FNDC3B: variants seen among roughly 807,000 people sequenced by gnomAD.
FNDC3B encodes fibronectin type III domain-containing protein 3B.
Under a neutral mutation model 151.5 loss-of-function variants are expected in FNDC3B, and 12 were observed. That is an observed-to-expected ratio of 0.08 (90% CI 0.05 to 0.13). The LOEUF (loss-of-function observed/expected upper bound fraction) is 0.13. Ranked by LOEUF, FNDC3B falls within the 10% of genes least tolerant of loss-of-function variation. The pLI, the probability that FNDC3B is intolerant of heterozygous loss-of-function variation, is 1.00. For missense variants in FNDC3B, 1,214 were observed against 1,505.3 expected, an observed-to-expected ratio of 0.81 and a Z score of 3.20; for synonymous variants, 528 against 549.0, an observed-to-expected ratio of 0.96 and a Z score of 0.54.
At chr3:172,332,061 C>A (rs746479601) in intron 13 of FNDC3B, among the ~76,000 whole-genome samples, 1 of 152,280 alleles carries the variant, frequency 6.6e-6, no homozygotes, top group South Asian at 2.1e-4. Flanking sequence ...ACCTCTGCCT[C>A]CCAGGTTCAA....
At chr3:172,181,331 G>A (rs1723878150) in intron 3 of FNDC3B, among the ~76,000 whole-genome samples, 1 of 142,082 alleles carries the variant, frequency 7.0e-6, no homozygotes, top group East Asian at 2.1e-4. Flanking sequence ...GAAGTCAAGG[G>A]TGCAGTGAGC....
At chr3:172,342,067 G>A (rs1268457735) in intron 17 of FNDC3B, among the ~76,000 whole-genome samples, 1 of 152,224 alleles carries the variant, frequency 6.6e-6, no homozygotes, top group Non-Finnish European at 1.5e-5. Flanking sequence ...TTACAGCCCT[G>A]TGCTGGGTTG....
At chr3:172,041,931 C>T (rs1294615843) in intron 1 of FNDC3B, among the ~76,000 whole-genome samples, 2 of 151,944 alleles carry the variant, frequency 1.3e-5, no homozygotes, top group Non-Finnish European at 2.9e-5. Flanking sequence ...CATGAAGGTA[C>T]AATTCTCACT....
intron 2 of FNDC3B, among the ~76,000 whole-genome samples, chr3:172,120,879 G>A (rs1720508537): frequency 1.3e-5 from 2 of 151,930 alleles, no homozygotes; most frequent in East Asian, 1.9e-4. Context: ...CAGGAGAATC[G>A]CTTGAACCCA....
At chr3:172,174,360 T>C (rs998566173) in intron 3 of FNDC3B, among the ~76,000 whole-genome samples, 2 of 152,226 alleles carry the variant, frequency 1.3e-5, no homozygotes, top group Non-Finnish European at 2.9e-5. Context: ...GTCTTGTGAA[T>C]TGAAGCCTGT....
At chr3:172,129,848 C>T (rs116445522) in intron 2 of FNDC3B, among the ~76,000 whole-genome samples, 1 of 152,004 alleles carries the variant, frequency 6.6e-6, no homozygotes, top group Non-Finnish European at 1.5e-5. Context: ...CAGTATGAAT[C>T]AGTTTAATGC....
chr3:172,189,332 A>G (rs1287448697), intron 3 of FNDC3B, among the ~76,000 whole-genome samples: 1 of 152,016 alleles, frequency 6.6e-6, no homozygotes, highest in Non-Finnish European at 1.5e-5. Context: ...ACCTTATCCC[A>G]CCTCCAGCCC....
At chr3:172,388,148 C>G (rs1439727036) in intron 25 of FNDC3B, among the ~76,000 whole-genome samples, 3 of 152,190 alleles carry the variant, frequency 2.0e-5, no homozygotes, top group African/African-American at 7.2e-5. Context: ...ATCTCCCCTT[C>G]AGTTCTTGGG....
chr3:172,383,620 C>T (rs1210146802), intron 25 of FNDC3B, among the ~76,000 whole-genome samples: 2 of 152,138 alleles, frequency 1.3e-5, no homozygotes, highest in Non-Finnish European at 2.9e-5. Context: ...TGGAGATTCA[C>T]CCTCCCAGGT....
intron 3 of FNDC3B, among the ~76,000 whole-genome samples, chr3:172,198,924 T>C (rs7646440): frequency 0.92 from 139,621 of 152,116 alleles, 64,442 homozygotes; most frequent in African/African-American, 0.98. Flanking sequence ...CTCCTGGGCT[T>C]AAAGTGATTC....
rs114314453 is a variant in FNDC3B, at chr3:172,129,580, A to T, written c.112-3891A>T. On this transcript the variant is annotated intron_variant, in intron 2 of 25. Transcript: ENST00000415807. The stretch of plus-strand genomic sequence containing the variant: ...TGTTTACTCAATTGTATTAATTGCA[A>T]CTCTTGTTTTATTGTTTCTCTGGAC... Among the ~76,000 whole-genome samples, 682 of 152,182 alleles carry T rather than the reference A, an allele frequency of 4.5e-3. 4 individuals carry two copies. Among genetic ancestry groups the T allele is most frequent in the African/African-American group, 0.016 (652 of 41,534 alleles).
rs148878653 is a variant in FNDC3B at position 172,352,997 on chromosome 3, C to T, written c.2709C>T (p.Tyr903=). Residue 903 remains tyrosine, a synonymous_variant, in exon 22 of 26, where the codon TAC becomes TAT. Coordinates refer to ENST00000415807, the MANE Select transcript of FNDC3B (RefSeq NM_022763.4). The surrounding 1 kb of genome is among the most constrained non-coding windows in gnomAD (Gnocchi z 4.2). The part of the protein sequence containing the change: ...PCNNGSEILA[Y]TIDLGDTSIT... ...ATAACGGATCTGAAATCCTTGCTTA[C>T]ACCATTGATCTAGGAGACACTAGCA... 1.2e-6 allele frequency: 2 copies of T among 1,614,046 alleles called. No homozygotes were observed. The highest frequency in any genetic ancestry group is 1.3e-5 in the African/African-American group (1 of 74,914).
intron 23 of FNDC3B, among the ~76,000 whole-genome samples, chr3:172,373,319 A>G (rs977971715): frequency 1.3e-5 from 2 of 152,182 alleles, no homozygotes; most frequent in Non-Finnish European, 2.9e-5. Flanking sequence ...CAGCACCTTC[A>G]AGACAGCAGG....
intron 10 of FNDC3B, 22 bp downstream of exon 10, chr3:172,307,523 G>A: frequency 6.2e-7 from 1 of 1,613,574 alleles, no homozygotes; most frequent in South Asian, 1.1e-5. Flanking sequence ...AAAGCATCAA[G>A]AATCGTCTCA....
intron 1 of FNDC3B, among the ~76,000 whole-genome samples, chr3:172,076,795 C>G (rs1228291404): frequency 2.0e-5 from 3 of 152,082 alleles, no homozygotes; most frequent in Admixed American, 1.3e-4. Flanking sequence ...GTCTTTAACT[C>G]TTTGGGAACA....
intron 6 of FNDC3B, among the ~76,000 whole-genome samples, chr3:172,277,191 A>G (rs1004407669): frequency 6.6e-6 from 1 of 152,234 alleles, no homozygotes; most frequent in Non-Finnish European, 1.5e-5. Context: ...ATGTAGCAAA[A>G]TGTTAATAAG....
chr3:172,112,398 C>T (rs1347635555), intron 1 of FNDC3B, 54 bp from the exon 2 acceptor site: 1 of 866,076 alleles, frequency 1.2e-6, no homozygotes, highest in African/African-American at 1.6e-5. Context: ...TGTTGTGTTA[C>T]AGGTGATTTT....
At chr3:172,296,977 G>T (rs1730648930) in intron 8 of FNDC3B, among the ~76,000 whole-genome samples, 1 of 152,092 alleles carries the variant, frequency 6.6e-6, no homozygotes, top group African/African-American at 2.4e-5. Flanking sequence ...AACATTGGTG[G>T]CAGGAGCTAG....
At chr3:172,227,545 G>A (rs1726653937) in intron 4 of FNDC3B, among the ~76,000 whole-genome samples, 1 of 152,224 alleles carries the variant, frequency 6.6e-6, no homozygotes, top group Non-Finnish European at 1.5e-5. Context: ...TTATGTTCCT[G>A]TACGTGAATA....
Sources: gnomAD v4.1 joint callset for allele counts (sites outside exome capture counted in the v4.1 genomes callset) on GRCh38, gnomAD v4.1.1 for gene constraint, Gnocchi (gnomAD v3.1) non-coding constraint, MANE v1.5 for transcripts, NCBI Gene and HGNC (gene_info 2026-07-23, HGNC 2026-07-21) for gene names.